The following LGALS3 variants were observed in gnomAD, a reference collection of about 807,000 sequenced individuals.
LGALS3 encodes the protein galectin-3.
In LGALS3, 18 loss-of-function variants were observed where a neutral mutation model predicts 20.7. The observed-to-expected ratio is 0.87, with a 90% CI of 0.60 to 1.29. LGALS3 has a LOEUF of 1.29. Ranked by LOEUF, LGALS3 falls within the 50% of genes most tolerant of loss-of-function variation. The pLI is 0.00. For synonymous variants in LGALS3, 112 were observed against 119.6 expected (o/e 0.94, Z 0.42); for missense variants, 315 against 314.7 (o/e 1.00, Z -0.01).
At chr14:55,132,005 T>A (rs998873250) in intron 1 of LGALS3, among the ~76,000 whole-genome samples, 2 of 152,200 alleles carry the variant, frequency 1.3e-5, no homozygotes, top group African/African-American at 4.8e-5. Context: ...CAGGAAGTAG[T>A]CTTCTTCTGT....
rs1373641987 is a variant in LGALS3, at chr14:55,145,132, A to G, written c.614A>G (p.Glu205Gly). 2 of 1,613,838 alleles carry G rather than the reference A, an allele frequency of 1.2e-6. No homozygotes were observed. Among genetic ancestry groups the G allele is most frequent in the African/African-American group, 2.7e-5 (2 of 74,916 alleles). ...CCATTTCAGATACAAGTACTGGTTG[A>G]ACCTGACCACTTCAAGGTTGCAGTG... ...GKPFKIQVLV[E>G]PDHFKVAVND... Residue 205 changes from glutamate (E) to glycine (G), a missense_variant, in exon 6 of 6, where the codon GAA becomes GGA. Glu to Gly is a moderately conservative substitution (Grantham distance 98, BLOSUM62 -2). Coordinates refer to ENST00000254301, the MANE Select transcript of LGALS3 (RefSeq NM_002306.4).
In LGALS3 at chr14:55,140,365, T is replaced by TA; in HGVS notation, c.431+4dup. ...CACGGTGAAGCCCAATGCAAACAGG[T>TA]AAGGAGAGCAAAATTAACAAGTCTA... On this transcript the variant is annotated splice_region_variant and intron_variant, in intron 4 of 5. Transcript: ENST00000254301. The TA allele has an allele frequency of 6.3e-7, 1 of 1,599,070 alleles. No individual in the cohort carries two copies. The highest frequency in any genetic ancestry group is 8.6e-7 in the Non-Finnish European group (1 of 1,167,916).
rs1279641413 is a variant in LGALS3 at position 55,142,658 on chromosome 14, G to C, written c.506G>C (p.Arg169Thr). Residue 169 changes from arginine (R) to threonine (T), a missense_variant, in exon 5 of 6, where the codon AGA becomes ACA. Transcript: ENST00000254301. Reference protein sequence around the residue: ...FNPRFNENNRRVIVCNTKLDN... With the variant: ...FNPRFNENNRTVIVCNTKLDN... ...CCACGCTTCAATGAGAACAACAGGAGAGTCATTGTTTGCAATACAAAGCTG... is the reference window on the plus strand; with the variant it reads ...CCACGCTTCAATGAGAACAACAGGACAGTCATTGTTTGCAATACAAAGCTG... 4.3e-6 allele frequency: 7 copies of C among 1,613,020 alleles called. No individual in the cohort carries two copies. The highest frequency in any genetic ancestry group is 1.3e-5 in the African/African-American group (1 of 75,024).
chr14:55,141,312 G>A (rs997864268), intron 4 of LGALS3, among the ~76,000 whole-genome samples: 3 of 152,186 alleles, frequency 2.0e-5, no homozygotes, highest in Admixed American at 2.0e-4. Context: ...AATAATGCCC[G>A]TCTCATAGCA....
intron 2 of LGALS3, 82 bp downstream of exon 2, chr14:55,137,473 C>T: frequency 6.2e-7 from 1 of 1,613,740 alleles, no homozygotes; most frequent in Non-Finnish European, 8.5e-7. Flanking sequence ...CCATGACTTT[C>T]CCTTTTCACT....
At chr14:55,135,568 T>TTTTG (rs1415561492) in intron 1 of LGALS3, among the ~76,000 whole-genome samples, 9 of 142,274 alleles carry the variant, frequency 6.3e-5, no homozygotes, top group African/African-American at 2.4e-4. Flanking sequence ...TGGTTTTTTT[T>TTTTG]TTTTTTTTTT....
intron 4 of LGALS3, 110 bp from the exon 5 acceptor site, chr14:55,142,474 C>G (rs1272069950): frequency 2.6e-6 from 2 of 766,446 alleles, no homozygotes; most frequent in African/African-American, 3.5e-5. Context: ...GAAAAATTTC[C>G]TAGGTACTGT....
intron 3 of LGALS3, among the ~76,000 whole-genome samples, chr14:55,138,609 TG>T (rs3837609): frequency 0.48 from 72,502 of 152,048 alleles, 18,522 homozygotes; most frequent in African/African-American, 0.66. Context: ...ATTGTAGTAA[TG>T]GAGAACATTT....
intron 1 of LGALS3, among the ~76,000 whole-genome samples, chr14:55,134,487 GC>G (rs1169669978): frequency 6.6e-6 from 1 of 152,154 alleles, no homozygotes; most frequent in Non-Finnish European, 1.5e-5. Context: ...TAAGCTTTCT[GC>G]CCACCTTGAA....
In LGALS3 at chr14:55,136,524, T is replaced by A. The variant is rs565803608; in HGVS notation, c.-4-846T>A. Among the ~76,000 whole-genome samples, 23 of 152,292 alleles carry A rather than the reference T, an allele frequency of 1.5e-4. 1 individual carries two copies. The East Asian group carries it at 3.3e-3, about 22-fold the overall frequency. On this transcript the variant is annotated intron_variant, in intron 1 of 5. Coordinates refer to ENST00000254301, the MANE Select transcript of LGALS3 (RefSeq NM_002306.4). ...AGGCCCTTCGGCTTTTATTTTTTTT[T>A]AATTCTTAATCTTTATGGGTACATA...
At chr14:55,134,924 G>T (rs1211090643) in intron 1 of LGALS3, among the ~76,000 whole-genome samples, 4 of 152,150 alleles carry the variant, frequency 2.6e-5, no homozygotes, top group African/African-American at 9.7e-5. Flanking sequence ...GGATGCTGAG[G>T]TGGGAGGATC....
intron 1 of LGALS3, among the ~76,000 whole-genome samples, chr14:55,133,527 T>G (rs1445452402): frequency 6.6e-5 from 10 of 152,140 alleles, no homozygotes; most frequent in Non-Finnish European, 1.5e-4. Flanking sequence ...GGCTGGACAG[T>G]GAGATGGCAG....
chr14:55,131,669 ACCAGTCTAGGCTGTGCTTGCTGTATACTT>A (rs1036258001), intron 1 of LGALS3, among the ~76,000 whole-genome samples: 19 of 152,262 alleles, frequency 1.2e-4, no homozygotes, highest in Admixed American at 3.9e-4. Flanking sequence ...TAACTTAAGA[ACCAGTCTAGGCTGTGCTTGCTGTATACTT>A]CCAGTTCGCT....
intron 5 of LGALS3, among the ~76,000 whole-genome samples, chr14:55,144,245 C>T (rs770235832): frequency 9.2e-5 from 14 of 152,142 alleles, no homozygotes; most frequent in African/African-American, 1.9e-4. Flanking sequence ...CAGGCTCAAA[C>T]GATCCTCCCA....
At position 55,140,300 on chromosome 14, in the gene LGALS3, C is replaced by CT; in HGVS notation, c.369dup (p.Gly124TrpfsTer31). On this transcript the variant is annotated frameshift_variant, in exon 4 of 6. Coordinates refer to ENST00000254301, the MANE Select transcript of LGALS3 (RefSeq NM_002306.4). LOFTEE classifies it high-confidence loss of function. ...ATTGTGCCTTATAACCTGCCTTTGC[C>CT]TGGGGGAGTGGTGCCTCGCATGCTG... 6.2e-7 allele frequency: 1 copy of CT among 1,613,534 alleles called. No individual in the cohort carries two copies. The highest frequency in any genetic ancestry group is 8.5e-7 in the Non-Finnish European group (1 of 1,179,646).
At position 55,142,695 on chromosome 14, in the gene LGALS3, G is replaced by A; in HGVS notation, c.543G>A (p.Trp181Ter). 6.2e-7 allele frequency: 1 copy of A among 1,613,852 alleles called. No individual in the cohort carries two copies. Among genetic ancestry groups the A allele is most frequent in the South Asian group, 1.1e-5 (1 of 91,060 alleles). Residue 181 changes from tryptophan to a stop codon, truncating the protein, a stop_gained, in exon 5 of 6, where the codon TGG (tryptophan) becomes TGA (stop). Transcript: ENST00000254301. LOFTEE classifies it high-confidence loss of function. ...GCAATACAAAGCTGGATAATAACTGGGGAAGGGAAGAAAGACAGTCGGTTT... is the reference window on the plus strand; with the variant it reads ...GCAATACAAAGCTGGATAATAACTGAGGAAGGGAAGAAAGACAGTCGGTTT... ...IVCNTKLDNN[W>*]GREERQSVFP...
intron 1 of LGALS3, among the ~76,000 whole-genome samples, chr14:55,131,540 T>C (rs1224101360): frequency 6.6e-6 from 1 of 152,226 alleles, no homozygotes; most frequent in African/African-American, 2.4e-5. Context: ...ATACTTGTGG[T>C]AACTGATCTC....
At chr14:55,137,308 T>G in intron 1 of LGALS3, 62 bp from the exon 2 acceptor site, 1 of 1,466,654 alleles carries the variant, frequency 6.8e-7, no homozygotes, top group Non-Finnish European at 9.6e-7. Context: ...AGTGGTGAGG[T>G]TCAGTTTAAT....
chr14:55,143,878 ATCTT>A (rs1881720904), intron 5 of LGALS3, among the ~76,000 whole-genome samples: 2 of 151,978 alleles, frequency 1.3e-5, no homozygotes, highest in African/African-American at 2.4e-5. Context: ...TCTTCTAGAA[ATCTT>A]TGCTTCCTAG....
Sources: gnomAD v4.1 joint callset for allele counts (sites outside exome capture counted in the v4.1 genomes callset) on GRCh38, gnomAD v4.1.1 for gene constraint, MANE v1.5 for transcripts, NCBI Gene and HGNC (gene_info 2026-07-23, HGNC 2026-07-21) for gene names.